Variants in SERTAD3 observed in about 807,000 individuals in gnomAD.
SERTAD3 encodes the protein SERTA domain containing 3, also known as SERTA domain-containing protein 3.
In SERTAD3, 6 loss-of-function variants were observed where a neutral mutation model predicts 11.9. That is an observed-to-expected ratio of 0.50 (90% CI 0.28 to 0.99). SERTAD3 has a LOEUF of 0.99. Among genes scored for constraint, SERTAD3 ranks in the 50% least tolerant of loss-of-function variants. SERTAD3 has a pLI of 0.11. For missense variants in SERTAD3, 261 were observed against 240.9 expected (o/e 1.08, Z -0.55); for synonymous variants, 101 against 98.9 (o/e 1.02, Z -0.13).
rs140669551 is a variant in SERTAD3, at chr19:40,442,479, GCA to G, written c.-6-395_-6-394del. 774 of 160,896 alleles carry G rather than the reference GCA, an allele frequency of 4.8e-3. 7 individuals carry two copies. The highest frequency in any genetic ancestry group is 0.018 in the African/African-American group (735 of 41,934). 10.0% of individuals were successfully genotyped at this position (160,896 alleles called of 1,614,324 possible). A position where few individuals can be genotyped will look rare whatever the true frequency, so the allele number is the denominator to read the frequency against. ...ATGGAGCACGAAAGACAAGTGTGGAGCACAGAGACCTGGATTGGAAGTAGGGA... is the reference window on the plus strand; with the variant it reads ...ATGGAGCACGAAAGACAAGTGTGGAGCAGAGACCTGGATTGGAAGTAGGGA... On this transcript the variant is annotated intron_variant, in intron 1 of 1. Transcript: ENST00000322354.
chr19:40,441,601 T>A lies in SERTAD3; in HGVS notation c.480A>T (p.Glu160Asp). 2 of 1,614,180 alleles carry A rather than the reference T, an allele frequency of 1.2e-6. No individual in the cohort carries two copies. The highest frequency in any genetic ancestry group is 1.7e-6 in the Non-Finnish European group (2 of 1,180,030). ...FFLDIDTSAV[E>D]KEPARAPPEP... Reference sequence around the variant, plus strand: ...CTGGTGGGGCCCGTGCAGGCTCCTTTTCTACCGCAGATGTGTCAATGTCCA... The same window carrying A: ...CTGGTGGGGCCCGTGCAGGCTCCTTATCTACCGCAGATGTGTCAATGTCCA... Residue 160 changes from glutamate to aspartate, a missense_variant, in exon 2 of 2, where the codon GAA becomes GAT. Coordinates refer to ENST00000322354, the MANE Select transcript of SERTAD3 (RefSeq NM_203344.3).
At position 40,441,625 on chromosome 19, in the gene SERTAD3, C is replaced by T. The variant is rs147438357; in HGVS notation, c.456G>A (p.Leu152=). The change falls in exon 2 of 2, where the codon CTG becomes CTA. Residue 152 remains leucine (L), a synonymous_variant. Transcript: ENST00000322354. ...LGDSGLDDFF[L]DIDTSAVEKE... is the part of the protein sequence containing the mutation. ...TTTCTACCGCAGATGTGTCAATGTC[C>T]AGAAAGAAGTCATCCAGGCCAGAGT... The T allele has an allele frequency of 0.011, 18,141 of 1,614,158 alleles. 144 individuals carry two copies. The highest frequency in any genetic ancestry group is 0.028 in the Middle Eastern group (172 of 6,060).
Position 40,440,881 on chromosome 19 carries a change from C to G in SERTAD3, c.*609G>C. ...TACTTTTATTTAAAAAAATTACAAA[C>G]AATCCAAAAAAAAAAAAAAAAGCCA... is the stretch of plus-strand genomic sequence containing the variant. On this transcript the variant is annotated 3_prime_UTR_variant, in exon 2 of 2. Coordinates refer to ENST00000322354, the MANE Select transcript of SERTAD3 (RefSeq NM_203344.3). The G allele has an allele frequency of 8.5e-6, 1 of 117,538 alleles. No homozygotes were observed. Among genetic ancestry groups the G allele is most frequent in the East Asian group, 2.2e-4 (1 of 4,496 alleles). The allele number at this position is 117,538 out of a possible 1,614,324, so 7.3% of individuals were successfully genotyped here.
rs775581735 is a variant in SERTAD3, at chr19:40,441,621, T to C, written c.460A>G (p.Ile154Val). ...DSGLDDFFLD[I>V]DTSAVEKEPA... ...TCCTTTTCTACCGCAGATGTGTCAA[T>C]GTCCAGAAAGAAGTCATCCAGGCCA... The change falls in exon 2 of 2, where the codon ATT (isoleucine) becomes GTT (valine). Residue 154 changes from isoleucine (I) to valine (V), a missense_variant. Transcript: ENST00000322354. 1 of 1,614,160 alleles carries C rather than the reference T, an allele frequency of 6.2e-7. No homozygotes were observed. Among genetic ancestry groups the C allele is most frequent in the Non-Finnish European group, 8.5e-7 (1 of 1,180,030 alleles).
At chr19:40,442,135 A>G in intron 1 of SERTAD3, 49 bp from the exon 2 acceptor site, 1 of 1,191,992 alleles carries the variant, frequency 8.4e-7, no homozygotes, top group Non-Finnish European at 1.1e-6. Context: ...CAGACACCGT[A>G]GTGCTGGCTC....
intron 1 of SERTAD3, chr19:40,443,957 C>A: frequency 6.5e-6 from 1 of 153,954 alleles, no homozygotes. Flanking sequence ...AAGTTCCTCC[C>A]CTCTGTTCTC....
Position 40,444,228 on chromosome 19 carries a change from T to A in SERTAD3, c.-20A>T, listed in dbSNP as rs1326798271. 1 of 152,138 alleles carries A rather than the reference T, an allele frequency of 6.6e-6. No individual in the cohort carries two copies. Among genetic ancestry groups the A allele is most frequent in the Non-Finnish European group, 1.5e-5 (1 of 68,142 alleles). The allele number at this position is 152,138 out of a possible 1,614,324, so 9.4% of individuals were successfully genotyped here. ...ACCACTCCTCACCGCAGCTGCCAGG[T>A]TCGCCACGACCACCTCCTGGAACGC... is the stretch of plus-strand genomic sequence containing the variant. On this transcript the variant is annotated 5_prime_UTR_variant, in exon 1 of 2. Coordinates refer to ENST00000322354, the MANE Select transcript of SERTAD3 (RefSeq NM_203344.3).
In SERTAD3 at chr19:40,442,076, A is replaced by G; in HGVS notation, c.5T>C (p.Val2Ala). 6.7e-7 allele frequency: 1 copy of G among 1,487,238 alleles called. No homozygotes were observed. Among genetic ancestry groups the G allele is most frequent in the Non-Finnish European group, 8.9e-7 (1 of 1,119,304 alleles). 92.1% of individuals were successfully genotyped at this position (1,487,238 alleles called of 1,614,324 possible). The change falls in exon 2 of 2, where the codon GTG becomes GCG. Residue 2 changes from valine (V) to alanine (A), a missense_variant. Coordinates refer to ENST00000322354, the MANE Select transcript of SERTAD3 (RefSeq NM_203344.3). M[V>A]GGLKRKHSDL... The stretch of plus-strand genomic sequence containing the variant: ...AGAGTGTTTCCTCTTCAAGCCTCCC[A>G]CCATGATGCCCTGTAGAGAGAAGAG...
Position 40,443,509 on chromosome 19 carries a change from T to C in SERTAD3, c.-7+706A>G, listed in dbSNP as rs1286088066. Reference sequence around the variant, plus strand: ...CCCCACCCCAGACTCCGGCTCTAAATTTGCTTTCTCCCGGTCCCTCTGTTC... The same window carrying C: ...CCCCACCCCAGACTCCGGCTCTAAACTTGCTTTCTCCCGGTCCCTCTGTTC... On this transcript the variant is annotated intron_variant, in intron 1 of 1. Transcript: ENST00000322354. 1.2e-4 allele frequency: 18 copies of C among 147,260 alleles called. No homozygotes were observed. The Admixed American group carries it at 1.3e-3, about 10-fold the overall frequency. The allele number at this position is 147,260 out of a possible 1,614,324, so 9.1% of individuals were successfully genotyped here.
At position 40,441,976 on chromosome 19, in the gene SERTAD3, G is replaced by T. The variant is rs148725136; in HGVS notation, c.105C>A (p.Arg35=). The T allele has an allele frequency of 3.7e-5, 57 of 1,554,272 alleles. No individual in the cohort carries two copies. Among genetic ancestry groups the T allele is most frequent in the Non-Finnish European group, 4.7e-5 (54 of 1,152,576 alleles). The stretch of plus-strand genomic sequence containing the variant: ...TGCGCTGGACTTTGTCTAGGGAGAT[G>T]CGGAGCAGGGCTTGCTGGTAGCTCT... ...GLQSYQQALL[R]ISLDKVQRSL... The change falls in exon 2 of 2, where the codon CGC becomes CGA. Residue 35 remains arginine (R), a synonymous_variant. Coordinates refer to ENST00000322354, the MANE Select transcript of SERTAD3 (RefSeq NM_203344.3).
At position 40,442,013 on chromosome 19, in the gene SERTAD3, G is replaced by A. The variant is rs751258365; in HGVS notation, c.68C>T (p.Pro23Leu). ...TTGCTGGTAGCTCTGAAGGCCTGCT[G>A]GACTCCACTCCCACCTCTCCTCCTC... ...EEEEERWEWS[P>L]AGLQSYQQAL... Residue 23 changes from proline to leucine, a missense_variant, in exon 2 of 2, where the codon CCA (proline) becomes CTA (leucine). By Grantham distance (98) the Pro-to-Leu change is moderately conservative. Coordinates refer to ENST00000322354, the MANE Select transcript of SERTAD3 (RefSeq NM_203344.3). 6.6e-7 allele frequency: 1 copy of A among 1,520,744 alleles called. No homozygotes were observed. The highest frequency in any genetic ancestry group is 2.3e-5 in the Admixed American group (1 of 44,068). 94.2% of individuals were successfully genotyped at this position (1,520,744 alleles called of 1,614,324 possible). A position where few individuals can be genotyped will look rare whatever the true frequency, so the allele number is the denominator to read the frequency against.
rs758781230 is a variant in SERTAD3 at position 40,441,663 on chromosome 19, G to A, written c.418C>T (p.Arg140Trp). ...TCCAGGCCAGAGTCCCCCAAGTACCGGGAGCTCAGAGCTTCTAAGAAGACT... is the reference window on the plus strand; with the variant it reads ...TCCAGGCCAGAGTCCCCCAAGTACCAGGAGCTCAGAGCTTCTAAGAAGACT... ...DPVFLEALSS[R>W]YLGDSGLDDF... is the part of the protein sequence containing the mutation. Residue 140 changes from arginine (R) to tryptophan (W), a missense_variant, in exon 2 of 2, where the codon CGG becomes TGG. Coordinates refer to ENST00000322354, the MANE Select transcript of SERTAD3 (RefSeq NM_203344.3). 23 of 1,614,046 alleles carry A rather than the reference G, an allele frequency of 1.4e-5. No individual in the cohort carries two copies. The highest frequency in any genetic ancestry group is 1.9e-5 in the Non-Finnish European group (22 of 1,180,042).
chr19:40,441,923 C>A lies in SERTAD3; in HGVS notation c.158G>T (p.Arg53Leu), dbSNP rs575718144. Residue 53 changes from arginine (R) to leucine (L), a missense_variant, in exon 2 of 2, where the codon CGC becomes CTC. Coordinates refer to ENST00000322354, the MANE Select transcript of SERTAD3 (RefSeq NM_203344.3). ...GGTGTTATGGATGAGGACATGCCTG[C>A]GGAGGCTGGGTGCTCGGGGGCCCAG... is the stretch of plus-strand genomic sequence containing the variant. ...RSLGPRAPSL[R>L]RHVLIHNTLQ... 1 of 1,571,778 alleles carries A rather than the reference C, an allele frequency of 6.4e-7. No homozygotes were observed. Among genetic ancestry groups the A allele is most frequent in the Non-Finnish European group, 8.6e-7 (1 of 1,159,880 alleles).
Position 40,441,397 on chromosome 19 carries a change from G to A in SERTAD3, c.*93C>T, listed in dbSNP as rs944989026. The A allele has an allele frequency of 8.0e-6, 9 of 1,119,518 alleles. No homozygotes were observed. The highest frequency in any genetic ancestry group is 2.3e-5 in the Admixed American group (1 of 43,744). 69.3% of individuals were successfully genotyped at this position (1,119,518 alleles called of 1,614,324 possible). A position where few individuals can be genotyped will look rare whatever the true frequency, so the allele number is the denominator to read the frequency against. Reference sequence around the variant, plus strand: ...CAAAGGAGGCCATAGTCACTGCTTCGAGCCCCCACAAAAACACACACCCAG... The same window carrying A: ...CAAAGGAGGCCATAGTCACTGCTTCAAGCCCCCACAAAAACACACACCCAG... On this transcript the variant is annotated 3_prime_UTR_variant, in exon 2 of 2. Transcript: ENST00000322354.
Position 40,441,557 on chromosome 19 carries a change from A to G in SERTAD3, c.524T>C (p.Phe175Ser). ...RAPPEPPHNL[F>S]CAPGSWEWNE... ...CCACTCCCAAGAACCTGGGGCACAG[A>G]AGAGGTTGTGAGGAGGCTCTGGTGG... is the stretch of plus-strand genomic sequence containing the variant. Residue 175 changes from phenylalanine (F) to serine (S), a missense_variant, in exon 2 of 2, where the codon TTC becomes TCC. Physicochemically the swap from Phe to Ser is radical, Grantham distance 155. Transcript: ENST00000322354. The G allele has an allele frequency of 1.9e-6, 3 of 1,614,168 alleles. No homozygotes were observed. The highest frequency in any genetic ancestry group is 8.5e-7 in the Non-Finnish European group (1 of 1,180,018).
rs1599680770 is a variant in SERTAD3 at position 40,442,101 on chromosome 19, G to C, written c.-6-15C>G. 3.6e-6 allele frequency: 5 copies of C among 1,408,106 alleles called. No homozygotes were observed. The East Asian group carries it at 1.3e-4, about 36-fold the overall frequency. The allele number at this position is 1,408,106 out of a possible 1,614,324, so 87.2% of individuals were successfully genotyped here. On this transcript the variant is annotated splice_polypyrimidine_tract_variant and intron_variant, in intron 1 of 1. Transcript: ENST00000322354. ...ACCATGATGCCCTGTAGAGAGAAGAGGCGCATAGGGGAAGGTCAGACACCA... is the reference window on the plus strand; with the variant it reads ...ACCATGATGCCCTGTAGAGAGAAGACGCGCATAGGGGAAGGTCAGACACCA...
chr19:40,442,985 T>C (rs1335072850), intron 1 of SERTAD3, among the ~76,000 whole-genome samples: 1 of 151,916 alleles, frequency 6.6e-6, no homozygotes, highest in East Asian at 1.9e-4. Flanking sequence ...TCGGGATATT[T>C]CTATGTCCTC....
intron 1 of SERTAD3, chr19:40,443,600 G>C (rs374469586): frequency 6.5e-6 from 1 of 153,360 alleles, no homozygotes; most frequent in African/African-American, 2.4e-5. Context: ...CGAACACATC[G>C]CTCAAAGACG....
In SERTAD3 at chr19:40,441,580, T is replaced by A; in HGVS notation, c.501A>T (p.Pro167=). 1.2e-6 allele frequency: 2 copies of A among 1,614,198 alleles called. No individual in the cohort carries two copies. The highest frequency in any genetic ancestry group is 1.7e-6 in the Non-Finnish European group (2 of 1,180,024). ...SAVEKEPARA[P]PEPPHNLFCA... Reference sequence around the variant, plus strand: ...AGAAGAGGTTGTGAGGAGGCTCTGGTGGGGCCCGTGCAGGCTCCTTTTCTA... The same window carrying A: ...AGAAGAGGTTGTGAGGAGGCTCTGGAGGGGCCCGTGCAGGCTCCTTTTCTA... The change falls in exon 2 of 2, where the codon CCA becomes CCT. Residue 167 remains proline, a synonymous_variant. Transcript: ENST00000322354.
Sources: allele counts gnomAD v4.1 joint callset (sites outside exome capture counted in the v4.1 genomes callset), GRCh38; gene constraint gnomAD v4.1.1; transcripts MANE v1.5; gene names NCBI Gene and HGNC (gene_info 2026-07-23, HGNC 2026-07-21).